The following CC2D2A variants were observed in gnomAD, a reference collection of about 807,000 sequenced individuals.
CC2D2A encodes coiled-coil and C2 domain containing 2A.
CC2D2A carries 155 observed loss-of-function variants against 212.9 expected under a neutral mutation model. That is an observed-to-expected ratio of 0.73 (90% CI 0.64 to 0.83). The LOEUF (loss-of-function observed/expected upper bound fraction) is 0.83, where lower values mean the gene tolerates loss of function less well. Ranked by LOEUF, CC2D2A falls within the 40% of genes least tolerant of loss-of-function variation. The pLI is 0.00. For missense variants in CC2D2A, 1,856 were observed against 1,956.2 expected (o/e 0.95, Z 0.97); for synonymous variants, 667 against 686.5 (o/e 0.97, Z 0.44).
rs1263409983 is a variant in CC2D2A at position 15,514,884 on chromosome 4, T to C, written c.880+15T>C. On this transcript the variant is annotated intron_variant, in intron 9 of 36. Coordinates refer to ENST00000424120, the MANE Select transcript of CC2D2A (RefSeq NM_001378615.1). ...TAGGCAGACAGGTACTTGCTCTTTTTATTTTCTTGTTCAGCTTAGACATCG... is the reference window on the plus strand; with the variant it reads ...TAGGCAGACAGGTACTTGCTCTTTTCATTTTCTTGTTCAGCTTAGACATCG... The C allele has an allele frequency of 4.3e-6, 7 of 1,612,066 alleles. 1 individual carries two copies. In the South Asian group the frequency reaches 7.7e-5, roughly 18 times the overall value.
At chr4:15,599,401 G>C (rs887101857) in intron 35 of CC2D2A, 128 bp from the exon 36 acceptor site, 3 of 604,300 alleles carry the variant, frequency 5.0e-6, no homozygotes, top group South Asian at 5.4e-5. Context: ...AACTATGCCT[G>C]GATAATCACA....
chr4:15,470,732 T>C (rs1231502659), intron 1 of CC2D2A, among the ~76,000 whole-genome samples: 17 of 124,046 alleles, frequency 1.4e-4, no homozygotes, highest in Middle Eastern at 4.5e-3. Context: ...TATATATATA[T>C]ATCCTAGAGC....
Position 15,502,524 on chromosome 4 carries a change from G to GA in CC2D2A, c.336+10dup. ...GAAATTGCAAGCAGCGAGGGTGAGA[G>GA]AAACCACATGAATATTCTGTTCAGT... On this transcript the variant is annotated splice_region_variant and intron_variant, in intron 5 of 36. Coordinates refer to ENST00000424120, the MANE Select transcript of CC2D2A (RefSeq NM_001378615.1). 1 of 1,591,118 alleles carries GA rather than the reference G, an allele frequency of 6.3e-7. No homozygotes were observed. Among genetic ancestry groups the GA allele is most frequent in the Non-Finnish European group, 8.5e-7 (1 of 1,172,456 alleles).
chr4:15,598,533 G>A (rs1461297646), intron 35 of CC2D2A, among the ~76,000 whole-genome samples: 1 of 152,108 alleles, frequency 6.6e-6, no homozygotes, highest in Non-Finnish European at 1.5e-5. Flanking sequence ...TCTACAAAAA[G>A]CACTTAGCGC....
chr4:15,587,470 A>C (rs1174073967), intron 31 of CC2D2A, among the ~76,000 whole-genome samples: 1 of 152,232 alleles, frequency 6.6e-6, no homozygotes, highest in East Asian at 1.9e-4. Context: ...TTCTAGAATT[A>C]AGTAAGTTTA....
At chr4:15,485,731 C>A (rs868069935) in intron 4 of CC2D2A, among the ~76,000 whole-genome samples, 1 of 152,108 alleles carries the variant, frequency 6.6e-6, no homozygotes, top group South Asian at 2.1e-4. Context: ...TGAATTTGAG[C>A]ATTTTTGCGT....
chr4:15,549,041 T>C lies in CC2D2A; in HGVS notation c.2182-1783T>C, dbSNP rs987727688. Among the ~76,000 whole-genome samples, 20 of 152,220 alleles carry C rather than the reference T, an allele frequency of 1.3e-4. No individual in the cohort carries two copies. The East Asian group carries it at 3.6e-3, about 28-fold the overall frequency. On this transcript the variant is annotated intron_variant, in intron 17 of 36. Coordinates refer to ENST00000424120, the MANE Select transcript of CC2D2A (RefSeq NM_001378615.1). ...GTATTGTAATTATGCTTTTTAAAAA[T>C]ATCTATTATAGATACATATTGAAAT...
intron 16 of CC2D2A, among the ~76,000 whole-genome samples, chr4:15,539,508 C>T (rs1718310158): frequency 6.6e-6 from 1 of 152,206 alleles, no homozygotes; most frequent in South Asian, 2.1e-4. Context: ...TAAGACTTCT[C>T]ACAGTCTTGG....
At position 15,516,972 on chromosome 4, in the gene CC2D2A, C is replaced by T. The variant is rs147126957; in HGVS notation, c.1149+216C>T. 0.18 allele frequency among the ~76,000 whole-genome samples: 19,709 copies of T among 111,460 alleles called. 1,723 individuals carry two copies. Among genetic ancestry groups the T allele is most frequent in the East Asian group, 0.39 (1,483 of 3,848 alleles). The allele number at this position is 111,460 out of a possible 152,430, so 73.1% of individuals were successfully genotyped here. A position where few individuals can be genotyped will look rare whatever the true frequency, so the allele number is the denominator to read the frequency against. On this transcript the variant is annotated intron_variant, in intron 11 of 36. Coordinates refer to ENST00000424120, the MANE Select transcript of CC2D2A (RefSeq NM_001378615.1). ...TTTTTTTTTTTTTTTTTTTTTGAGA[C>T]GGAGTCTCGCTGTCGCCCAGGTTGG...
At chr4:15,477,655 C>T (rs939835642) in intron 2 of CC2D2A, among the ~76,000 whole-genome samples, 1 of 152,182 alleles carries the variant, frequency 6.6e-6, no homozygotes. Flanking sequence ...ACTAAGAACA[C>T]TCCCTATTAG....
intron 17 of CC2D2A, 41 bp from the exon 18 acceptor site, chr4:15,550,783 A>G (rs772958531): frequency 2.0e-6 from 3 of 1,471,076 alleles, no homozygotes; most frequent in East Asian, 2.3e-5. Context: ...AGCACACACT[A>G]CTGCTGTTTT....
intron 6 of CC2D2A, 134 bp from the exon 7 acceptor site, chr4:15,510,005 A>G (rs766729812): frequency 4.4e-6 from 3 of 682,738 alleles, no homozygotes; most frequent in Non-Finnish European, 7.5e-6. Context: ...CCAGCATTCC[A>G]TGCCTTAGGA....
chr4:15,485,805 T>G (rs1714968389), intron 4 of CC2D2A, among the ~76,000 whole-genome samples: 1 of 152,234 alleles, frequency 6.6e-6, no homozygotes. Context: ...TTGCCTATTT[T>G]TAATGAGATT....
chr4:15,575,091 C>A (rs1173093828), intron 29 of CC2D2A, among the ~76,000 whole-genome samples: 2 of 152,142 alleles, frequency 1.3e-5, no homozygotes, highest in African/African-American at 4.8e-5. Flanking sequence ...ATACATACTG[C>A]CCTCATTGGA....
At chr4:15,515,253 G>T (rs1716795346) in intron 9 of CC2D2A, among the ~76,000 whole-genome samples, 1 of 152,158 alleles carries the variant, frequency 6.6e-6, no homozygotes, top group South Asian at 2.1e-4. Context: ...TTTGCTTCCT[G>T]TTGCTGCCTA....
intron 3 of CC2D2A, chr4:15,479,184 T>C: frequency 1.4e-6 from 2 of 1,459,912 alleles, no homozygotes; most frequent in Non-Finnish European, 9.3e-7. Flanking sequence ...AAACTCCCTC[T>C]TTTTCCAACT....
intron 14 of CC2D2A, among the ~76,000 whole-genome samples, chr4:15,534,911 A>C (rs897568149): frequency 2.6e-5 from 4 of 151,648 alleles, no homozygotes; most frequent in African/African-American, 9.7e-5. Flanking sequence ...TAACAAATTT[A>C]GGCAGTTATC....
chr4:15,511,213 T>C (rs1170121001), intron 7 of CC2D2A, 34 bp from the exon 8 acceptor site: 3 of 1,566,418 alleles, frequency 1.9e-6, no homozygotes, highest in East Asian at 4.6e-5. Context: ...AGCTTATAAA[T>C]GGGAAATTGC....
chr4:15,560,309 T>A (rs544867716), intron 22 of CC2D2A, among the ~76,000 whole-genome samples: 4 of 152,248 alleles, frequency 2.6e-5, no homozygotes, highest in African/African-American at 9.6e-5. Flanking sequence ...AATATTGCAG[T>A]AAGCAAAACA....
Sources: gnomAD v4.1 joint callset for allele counts (sites outside exome capture counted in the v4.1 genomes callset) on GRCh38, gnomAD v4.1.1 for gene constraint, MANE v1.5 for transcripts, NCBI Gene and HGNC (gene_info 2026-07-23, HGNC 2026-07-21) for gene names.